The following SVIL variants were observed in gnomAD, a reference collection of about 807,000 sequenced individuals.
The protein encoded by SVIL is supervillin.
Under a neutral mutation model 240.4 loss-of-function variants are expected in SVIL, and 101 were observed. The ratio of observed to expected loss-of-function variants is 0.42; its 90% CI spans 0.36 to 0.50. The LOEUF is 0.50. Among genes scored for constraint, SVIL ranks in the 20% least tolerant of loss-of-function variants. The pLI is 0.01. For synonymous variants in SVIL, 999 were observed against 1,100.0 expected (o/e 0.91, Z 1.82); for missense variants, 2,512 against 2,818.7 (o/e 0.89, Z 2.46).
At chr10:29,509,644 T>C (rs200220196) in intron 17 of SVIL, among the ~76,000 whole-genome samples, 2 of 150,682 alleles carry the variant, frequency 1.3e-5, no homozygotes, top group East Asian at 3.9e-4. Flanking sequence ...AGGTTGGGAG[T>C]TTGAGACCAG....
chr10:29,723,896 T>C (rs1264571060), intron 1 of SVIL, among the ~76,000 whole-genome samples: 1 of 152,078 alleles, frequency 6.6e-6, no homozygotes, highest in African/African-American at 2.4e-5. Flanking sequence ...GATAAAAAGT[T>C]TGGAGGAGAA....
chr10:29,728,145 C>T (rs1964401922), intron 1 of SVIL, among the ~76,000 whole-genome samples: 1 of 152,104 alleles, frequency 6.6e-6, no homozygotes, highest in Admixed American at 6.5e-5. Context: ...TTACACCCAC[C>T]CTGGACTGGC....
At chr10:29,656,486 A>T (rs969902183) in intron 3 of SVIL, among the ~76,000 whole-genome samples, 5 of 152,108 alleles carry the variant, frequency 3.3e-5, no homozygotes, top group Admixed American at 3.3e-4. Flanking sequence ...GAATAAATAA[A>T]CATAGAAATT....
chr10:29,681,331 G>A lies in SVIL; in HGVS notation c.-301+5222C>T, dbSNP rs560229568. On this transcript the variant is annotated intron_variant, in intron 2 of 35. Coordinates refer to the SVIL transcript ENST00000375400. ...AATGACAGCCCAGGGAATAGCTGGT[G>A]ATGGAAAGAGAGTCTCCAGCCACCA... 5.3e-5 allele frequency among the ~76,000 whole-genome samples: 8 copies of A among 152,062 alleles called. No homozygotes were observed. The East Asian group carries it at 1.6e-3, about 30-fold the overall frequency.
chr10:29,636,211 A>G (rs914023580), upstream of SVIL, among the ~76,000 whole-genome samples: 4 of 151,730 alleles, frequency 2.6e-5, no homozygotes, highest in Non-Finnish European at 5.9e-5. Context: ...CCCTTGGACC[A>G]TATTGGCTTT....
intron 1 of SVIL, among the ~76,000 whole-genome samples, chr10:29,608,140 T>A (rs962681455): frequency 6.6e-6 from 1 of 152,108 alleles, no homozygotes; most frequent in Non-Finnish European, 1.5e-5. Context: ...TACACAACAT[T>A]ACCCCCGCCT....
Position 29,551,014 on chromosome 10 carries a change from G to A in SVIL, c.410C>T (p.Thr137Ile), listed in dbSNP as rs1262560962. 6.2e-7 allele frequency: 1 copy of A among 1,614,116 alleles called. No individual in the cohort carries two copies. The highest frequency in any genetic ancestry group is 8.5e-7 in the Non-Finnish European group (1 of 1,180,030). The change falls in exon 6 of 38, where the codon ACC becomes ATC. Residue 137 changes from threonine (T) to isoleucine (I), a missense_variant. Transcript: ENST00000355867. ...AGCATCAGGCTCCTTCCTGGACTTGGTATAGCGGGATAAATACTCGGAGTC... is the reference window on the plus strand; with the variant it reads ...AGCATCAGGCTCCTTCCTGGACTTGATATAGCGGGATAAATACTCGGAGTC... ...EADSEYLSRY[T>I]KSRKEPDAVE...
Position 29,486,572 on chromosome 10 carries a change from A to G in SVIL, c.4486-15T>C. On this transcript the variant is annotated splice_polypyrimidine_tract_variant and intron_variant, in intron 24 of 37. Transcript: ENST00000355867. The stretch of plus-strand genomic sequence containing the variant: ...AGTTCTGAGGCCTAAAAAAGAGAGG[A>G]ACACAATTGCCTGGGTAGAAAAGCC... 6.2e-7 allele frequency: 1 copy of G among 1,614,074 alleles called. No homozygotes were observed. The highest frequency in any genetic ancestry group is 8.5e-7 in the Non-Finnish European group (1 of 1,179,998).
intron 6 of SVIL, among the ~76,000 whole-genome samples, chr10:29,543,751 A>C (rs1952379834): frequency 6.6e-6 from 1 of 152,074 alleles, no homozygotes; most frequent in Non-Finnish European, 1.5e-5. Flanking sequence ...AATCTGATCT[A>C]AATACATGCA....
intron 3 of SVIL, among the ~76,000 whole-genome samples, chr10:29,558,930 A>AATATAT (rs72228268): frequency 2.7e-5 from 4 of 146,124 alleles, no homozygotes; most frequent in African/African-American, 5.0e-5. Flanking sequence ...TCTGCCTCGA[A>AATATAT]ATATATATAT....
chr10:29,460,779 G>C (rs1414515705), intron 36 of SVIL, among the ~76,000 whole-genome samples: 1 of 152,164 alleles, frequency 6.6e-6, no homozygotes, highest in Non-Finnish European at 1.5e-5. Flanking sequence ...TATGGTGTGT[G>C]CTTGTAGTCC....
intron 1 of SVIL, among the ~76,000 whole-genome samples, chr10:29,596,714 T>C (rs973691717): frequency 5.9e-5 from 9 of 152,200 alleles, no homozygotes; most frequent in Admixed American, 6.5e-5. Flanking sequence ...AAGGGCCAAG[T>C]ACAGAACCCA....
intron 3 of SVIL, among the ~76,000 whole-genome samples, chr10:29,648,535 C>T (rs916729957): frequency 6.6e-6 from 1 of 152,196 alleles, no homozygotes; most frequent in Non-Finnish European, 1.5e-5. Flanking sequence ...TTGCCCGACC[C>T]TCATCATGAT....
Position 29,683,955 on chromosome 10 carries a change from C to T in SVIL, c.-301+2598G>A, listed in dbSNP as rs144562416. Reference sequence around the variant, plus strand: ...AATAAGCATTTCATGAAAGTCACCCCAAATCATGACAGAAGCACCAGAAAT... The same window carrying T: ...AATAAGCATTTCATGAAAGTCACCCTAAATCATGACAGAAGCACCAGAAAT... On this transcript the variant is annotated intron_variant, in intron 2 of 35. Transcript: ENST00000375400. Among the ~76,000 whole-genome samples the T allele has an allele frequency of 2.8e-4, 42 of 152,152 alleles. No homozygotes were observed. In the East Asian group the frequency reaches 7.7e-3, roughly 28 times the overall value.
chr10:29,698,723 A>G (rs1962277405), intron 1 of SVIL, among the ~76,000 whole-genome samples: 1 of 147,432 alleles, frequency 6.8e-6, no homozygotes, highest in Non-Finnish European at 1.5e-5. Context: ...AAAAAAAAAA[A>G]GAAGCAAATT....
chr10:29,713,262 C>CTGTGTATG (rs1554769339), intron 1 of SVIL, among the ~76,000 whole-genome samples: 2,362 of 148,564 alleles, frequency 0.016, 28 homozygotes, highest in East Asian at 0.039. Flanking sequence ...GTACATGCCT[C>CTGTGTATG]TGTGTGTGTG....
chr10:29,674,458 C>T (rs1426769828), intron 2 of SVIL, among the ~76,000 whole-genome samples: 2 of 152,166 alleles, frequency 1.3e-5, no homozygotes, highest in Non-Finnish European at 2.9e-5. Flanking sequence ...AATAAAGTTC[C>T]TGGCCTTACT....
chr10:29,680,493 G>A (rs1263308224), intron 2 of SVIL, among the ~76,000 whole-genome samples: 2 of 152,234 alleles, frequency 1.3e-5, no homozygotes, highest in Non-Finnish European at 1.5e-5. Flanking sequence ...CGTGGGATGG[G>A]AGCCTGCACC....
At chr10:29,472,445 C>G (rs1384466954) in intron 30 of SVIL, among the ~76,000 whole-genome samples, 1 of 152,226 alleles carries the variant, frequency 6.6e-6, no homozygotes, top group Non-Finnish European at 1.5e-5. Context: ...TGTCTTCCCT[C>G]CTGCTATCGT....
Sources: gnomAD v4.1 joint callset for allele counts (sites outside exome capture counted in the v4.1 genomes callset) on GRCh38, gnomAD v4.1.1 for gene constraint, MANE v1.5 for transcripts, NCBI Gene and HGNC (gene_info 2026-07-23, HGNC 2026-07-21) for gene names.